The following ANKS1B variants were observed in gnomAD, a reference collection of about 807,000 sequenced individuals.
ANKS1B encodes ankyrin repeat and sterile alpha motif domain-containing protein 1B.
Under a neutral mutation model 148.3 loss-of-function variants are expected in ANKS1B, and 36 were observed. That is an observed-to-expected ratio of 0.24 (90% CI 0.19 to 0.32). ANKS1B has a LOEUF of 0.32. ANKS1B is among the 10% of genes least tolerant of loss of function. ANKS1B has a pLI of 1.00. For synonymous variants in ANKS1B, 542 were observed against 560.8 expected, an observed-to-expected ratio of 0.97 and a Z score of 0.47; for missense variants, 1,157 against 1,542.6, an observed-to-expected ratio of 0.75 and a Z score of 4.19.
intron 9 of ANKS1B, among the ~76,000 whole-genome samples, chr12:99,623,793 T>C (rs984499392): frequency 3.9e-5 from 6 of 152,040 alleles, no homozygotes; most frequent in Non-Finnish European, 5.9e-5. Context: ...CGCTCATGGA[T>C]TGGAAGAATC....
At chr12:99,879,401 T>G (rs1363251478) in intron 1 of ANKS1B, among the ~76,000 whole-genome samples, 1 of 152,226 alleles carries the variant, frequency 6.6e-6, no homozygotes, top group African/African-American at 2.4e-5. Context: ...ACGTTTCATA[T>G]GCAGCAGAGA....
intron 11 of ANKS1B, among the ~76,000 whole-genome samples, chr12:99,434,496 T>G (rs1297128631): frequency 6.6e-6 from 1 of 152,154 alleles, no homozygotes; most frequent in Admixed American, 6.5e-5. Context: ...AGGTTTCCAA[T>G]AAATATTTCA....
chr12:99,368,333 T>C (rs1025697991), intron 12 of ANKS1B, among the ~76,000 whole-genome samples: 16 of 152,072 alleles, frequency 1.1e-4, no homozygotes, highest in Middle Eastern at 3.2e-3. Context: ...CATTATGCAA[T>C]ATAGCCATGT....
At chr12:99,057,630 T>C (rs1428779192) in intron 16 of ANKS1B, among the ~76,000 whole-genome samples, 1 of 152,248 alleles carries the variant, frequency 6.6e-6, no homozygotes, top group Non-Finnish European at 1.5e-5. Context: ...ATTAGAATTA[T>C]GCCCCTGTGC....
At chr12:99,918,873 C>G (rs1455372478) in intron 1 of ANKS1B, among the ~76,000 whole-genome samples, 1 of 152,054 alleles carries the variant, frequency 6.6e-6, no homozygotes, top group African/African-American at 2.4e-5. Flanking sequence ...AAAAACATAC[C>G]TAAACACACA....
In ANKS1B at chr12:99,874,022, C is replaced by CATAT. The variant is rs150860727; in HGVS notation, c.135-48637_135-48634dup. Among the ~76,000 whole-genome samples, 58 of 137,914 alleles carry CATAT rather than the reference C, an allele frequency of 4.2e-4. 5 individuals carry two copies. Among genetic ancestry groups the CATAT allele is most frequent in the African/African-American group, 1.7e-3 (53 of 31,548 alleles). The allele number at this position is 137,914 out of a possible 152,430, so 90.5% of individuals were successfully genotyped here. On this transcript the variant is annotated intron_variant, in intron 1 of 26. Coordinates refer to ENST00000683438, the MANE Select transcript of ANKS1B (RefSeq NM_001352186.2). ...TAAATCTCTCTCTCTCTCTCTCTCA[C>CATAT]ATATATATATATATATATCCTGTTG...
intron 11 of ANKS1B, among the ~76,000 whole-genome samples, chr12:99,424,754 G>A (rs931065815): frequency 2.0e-5 from 3 of 151,696 alleles, no homozygotes; most frequent in African/African-American, 4.8e-5. Flanking sequence ...AATATGGCCT[G>A]AGAAGGACTC....
chr12:99,910,176 G>A (rs765393624), intron 1 of ANKS1B, among the ~76,000 whole-genome samples: 5 of 151,958 alleles, frequency 3.3e-5, no homozygotes, highest in African/African-American at 1.2e-4. Flanking sequence ...CCAACATGGG[G>A]AAACCCCTTC....
Position 99,542,347 on chromosome 12 carries a change from CA to C in ANKS1B, c.1273-37707del, listed in dbSNP as rs1394498472. On this transcript the variant is annotated intron_variant, in intron 9 of 26. Transcript: ENST00000683438. ...ATAAATTACTTAGACATGAACTTCA[CA>C]AAAAAAATCTAAGATTTGTACACTA... Among the ~76,000 whole-genome samples the C allele has an allele frequency of 7.9e-5, 12 of 151,458 alleles. No homozygotes were observed. In the South Asian group the frequency reaches 1.9e-3, roughly 24 times the overall value.
At position 98,751,549 on chromosome 12, in the gene ANKS1B, C is replaced by T; in HGVS notation, c.3580-27G>A. ...TGCAAGAAAAATGAGAAAGCATTTG[C>T]TACTGGCACACTGCAAATTAGAATG... On this transcript the variant is annotated intron_variant, in intron 25 of 26. Coordinates refer to ENST00000683438, the MANE Select transcript of ANKS1B (RefSeq NM_001352186.2). This position sits in a 1 kb window ranked among gnomAD's most constrained non-coding sequence, Gnocchi z 4.3. 2 of 1,610,708 alleles carry T rather than the reference C, an allele frequency of 1.2e-6. No homozygotes were observed. The highest frequency in any genetic ancestry group is 1.7e-6 in the Non-Finnish European group (2 of 1,177,928).
intron 14 of ANKS1B, among the ~76,000 whole-genome samples, chr12:99,238,667 A>C (rs1454248422): frequency 6.6e-6 from 1 of 152,144 alleles, no homozygotes; most frequent in African/African-American, 2.4e-5. Context: ...GGGCCAACAG[A>C]CACCTCAAAG....
chr12:99,598,967 C>T (rs1331789600), intron 9 of ANKS1B, among the ~76,000 whole-genome samples: 1 of 151,972 alleles, frequency 6.6e-6, no homozygotes, highest in Non-Finnish European at 1.5e-5. Flanking sequence ...AAATTTCATT[C>T]CTTGCCTTTT....
chr12:98,859,037 T>C (rs1471059140), intron 17 of ANKS1B, among the ~76,000 whole-genome samples: 1 of 152,226 alleles, frequency 6.6e-6, no homozygotes, highest in African/African-American at 2.4e-5. Flanking sequence ...GGATTTTCTA[T>C]TGGCTAAAGG....
chr12:99,610,689 C>T (rs74872240), intron 9 of ANKS1B, among the ~76,000 whole-genome samples: 2,914 of 152,098 alleles, frequency 0.019, 76 homozygotes, highest in East Asian at 0.1. Context: ...AAGTACCATA[C>T]TTTAAGAAAT....
chr12:99,309,450 A>T (rs1196216775), intron 12 of ANKS1B, among the ~76,000 whole-genome samples: 1 of 152,076 alleles, frequency 6.6e-6, no homozygotes, highest in African/African-American at 2.4e-5. Context: ...TGCCCTATAA[A>T]ATCTGATATT....
At chr12:99,353,710 C>A (rs1216502523) in intron 12 of ANKS1B, among the ~76,000 whole-genome samples, 1 of 152,022 alleles carries the variant, frequency 6.6e-6, no homozygotes, top group Non-Finnish European at 1.5e-5. Flanking sequence ...CATGTCCCAT[C>A]CATTTCCTCT....
At chr12:98,815,166 C>A (rs2099129474) in intron 19 of ANKS1B, among the ~76,000 whole-genome samples, 1 of 152,164 alleles carries the variant, frequency 6.6e-6, no homozygotes, top group South Asian at 2.1e-4. Context: ...GCTATAACAT[C>A]TTCCATCAAA....
At chr12:99,783,837 T>A (rs2064659441) in intron 4 of ANKS1B, among the ~76,000 whole-genome samples, 1 of 152,216 alleles carries the variant, frequency 6.6e-6, no homozygotes, top group Non-Finnish European at 1.5e-5. Context: ...TAGTTAACAA[T>A]AATTGATTAT....
At chr12:99,433,799 A>G (rs2095417324) in intron 11 of ANKS1B, among the ~76,000 whole-genome samples, 1 of 152,114 alleles carries the variant, frequency 6.6e-6, no homozygotes, top group Non-Finnish European at 1.5e-5. Flanking sequence ...GGGGAGTGAA[A>G]GTAGACTGAG....
Sources: gnomAD v4.1 joint callset for allele counts (sites outside exome capture counted in the v4.1 genomes callset) on GRCh38, gnomAD v4.1.1 for gene constraint, Gnocchi (gnomAD v3.1) non-coding constraint, MANE v1.5 for transcripts, NCBI Gene and HGNC (gene_info 2026-07-23, HGNC 2026-07-21) for gene names.